The following APOL2 variants were observed in gnomAD, a reference collection of about 807,000 sequenced individuals.
The protein encoded by APOL2 is apolipoprotein L, 2.
APOL2 carries 8 observed loss-of-function variants against 7.1 expected under a neutral mutation model. That is an observed-to-expected ratio of 1.12 (90% CI 0.66 to 2.03). The LOEUF (loss-of-function observed/expected upper bound fraction) is 2.03. Among genes scored for constraint, APOL2 ranks in the 30% most tolerant of loss-of-function variants. APOL2 has a pLI of 0.00. For synonymous variants in APOL2, 177 were observed against 159.9 expected, an observed-to-expected ratio of 1.11 and a Z score of -0.81; for missense variants, 471 against 415.1, an observed-to-expected ratio of 1.13 and a Z score of -1.17.
chr22:36,232,512 G>A (rs895904093), intron 3 of APOL2, among the ~76,000 whole-genome samples: 15 of 152,198 alleles, frequency 9.9e-5, no homozygotes, highest in African/African-American at 3.6e-4. Context: ...GGCCAGGCCA[G>A]GTACCCTTAT....
chr22:36,227,185 A>G lies in APOL2; in HGVS notation c.*219T>C, dbSNP rs1038313858. On this transcript the variant is annotated 3_prime_UTR_variant, in exon 5 of 5. Coordinates refer to ENST00000358502, the MANE Select transcript of APOL2 (RefSeq NM_030882.4). ...AAAAAAATTAGCCGGGCGTGGTGGC[A>G]GGTGCCTGTAGTCCCAGCTACTCGG... The G allele has an allele frequency of 3.0e-5, 14 of 467,868 alleles. No homozygotes were observed. In the South Asian group the frequency reaches 5.2e-4, roughly 17 times the overall value. 29.0% of individuals were successfully genotyped at this position (467,868 alleles called of 1,614,324 possible). A position where few individuals can be genotyped will look rare whatever the true frequency, so the allele number is the denominator to read the frequency against.
In APOL2 at chr22:36,227,341, A is replaced by C; in HGVS notation, c.*63T>G. 2 of 1,176,868 alleles carry C rather than the reference A, an allele frequency of 1.7e-6. No individual in the cohort carries two copies. Among genetic ancestry groups the C allele is most frequent in the Non-Finnish European group, 1.2e-6 (1 of 864,472 alleles). The allele number at this position is 1,176,868 out of a possible 1,614,324, so 72.9% of individuals were successfully genotyped here. ...AAAAAAAAAAAAAAAAAAAAAAAAA[A>C]GTCTGCATTTTGTCCTGGCCTGTGC... On this transcript the variant is annotated 3_prime_UTR_variant, in exon 5 of 5. Transcript: ENST00000358502.
chr22:36,233,123 A>T (rs745654447), intron 3 of APOL2, 30 bp downstream of exon 3: 2 of 1,609,818 alleles, frequency 1.2e-6, no homozygotes, highest in South Asian at 2.2e-5. Flanking sequence ...TGCGAGTAGG[A>T]ACTAGCCAGG....
Position 36,227,301 on chromosome 22 carries a change from G to A in APOL2, c.*103C>T. 1 of 1,382,504 alleles carries A rather than the reference G, an allele frequency of 7.2e-7. No homozygotes were observed. Among genetic ancestry groups the A allele is most frequent in the Non-Finnish European group, 9.5e-7 (1 of 1,048,176 alleles). The allele number at this position is 1,382,504 out of a possible 1,614,324, so 85.6% of individuals were successfully genotyped here. On this transcript the variant is annotated 3_prime_UTR_variant, in exon 5 of 5. Transcript: ENST00000358502. ...ACTGCACTCCATCCTGGGCGATAGA[G>A]CGAGACTCCATCTCAAAAAAAAAAA...
intron 1 of APOL2, chr22:36,239,183 G>C: frequency 7.9e-7 from 1 of 1,264,756 alleles, no homozygotes; most frequent in South Asian, 2.5e-5. Context: ...CAGAACCAGA[G>C]CTGAGCCCGG....
chr22:36,239,013 C>A (rs1408987482), intron 1 of APOL2: 2 of 649,322 alleles, frequency 3.1e-6, no homozygotes, highest in Admixed American at 4.3e-5. Context: ...AGCAGCAGCA[C>A]CCTGGGGCCA....
chr22:36,236,127 A>G (rs796968611), intron 1 of APOL2, among the ~76,000 whole-genome samples: 4 of 152,366 alleles, frequency 2.6e-5, no homozygotes, highest in East Asian at 1.9e-4. Context: ...ATGGTGTACA[A>G]CTCAGCTCCA....
At chr22:36,238,911 C>A (rs2015504889) in intron 1 of APOL2, among the ~76,000 whole-genome samples, 1 of 152,240 alleles carries the variant, frequency 6.6e-6, no homozygotes, top group South Asian at 2.1e-4. Context: ...CCCACAGGGC[C>A]TGGCACAAGT....
chr22:36,236,591 C>T (rs2015411098), intron 1 of APOL2: 2 of 985,316 alleles, frequency 2.0e-6, no homozygotes, highest in Non-Finnish European at 1.2e-6. Context: ...TTGTTCTTTT[C>T]TCACCTTGTG....
In APOL2 at chr22:36,226,308, C is replaced by T. The variant is rs962977805; in HGVS notation, c.*1096G>A. 3 of 152,284 alleles carry T rather than the reference C, an allele frequency of 2.0e-5. No homozygotes were observed. The highest frequency in any genetic ancestry group is 4.4e-5 in the Non-Finnish European group (3 of 68,076). 9.4% of individuals were successfully genotyped at this position (152,284 alleles called of 1,614,324 possible). ...TGTGCTTCCTCCCAATGCTAAACTG[C>T]TTTCATGCTAATCTTCTGACTGTTT... On this transcript the variant is annotated 3_prime_UTR_variant, in exon 5 of 5. Transcript: ENST00000358502.
At chr22:36,232,608 G>T (rs754969372) in intron 3 of APOL2, among the ~76,000 whole-genome samples, 1 of 152,212 alleles carries the variant, frequency 6.6e-6, no homozygotes, top group Admixed American at 6.5e-5. Context: ...TCACACAGAA[G>T]GGACTTGGAA....
At position 36,226,668 on chromosome 22, in the gene APOL2, G is replaced by GGC. The variant is rs2015002146; in HGVS notation, c.*735_*736insGC. The stretch of plus-strand genomic sequence containing the variant: ...CTTGGAAGGACATCAAACCTGGGGG[G>GGC]GGGTCGGTAGTGGAGCTGCTGTTTC... On this transcript the variant is annotated 3_prime_UTR_variant, in exon 5 of 5. Transcript: ENST00000358502. 6.6e-6 allele frequency: 1 copy of GGC among 150,422 alleles called. No homozygotes were observed. Among genetic ancestry groups the GGC allele is most frequent in the African/African-American group, 2.5e-5 (1 of 40,090 alleles). The allele number at this position is 150,422 out of a possible 1,614,324, so 9.3% of individuals were successfully genotyped here.
In APOL2 at chr22:36,239,450, T is replaced by G; in HGVS notation, c.-143A>C. ...ACTATCCCCAACTTACCAAGGGATC[T>G]TCCTCTGACAGAGACTGAGCAAGAT... On this transcript the variant is annotated 5_prime_UTR_variant, in exon 1 of 5. Coordinates refer to ENST00000358502, the MANE Select transcript of APOL2 (RefSeq NM_030882.4). 1 of 1,525,380 alleles carries G rather than the reference T, an allele frequency of 6.6e-7. No individual in the cohort carries two copies. Among genetic ancestry groups the G allele is most frequent in the South Asian group, 1.2e-5 (1 of 85,722 alleles). 94.5% of individuals were successfully genotyped at this position (1,525,380 alleles called of 1,614,324 possible).
intron 1 of APOL2, among the ~76,000 whole-genome samples, chr22:36,238,946 A>T (rs543636831): frequency 1.3e-5 from 2 of 152,216 alleles, no homozygotes; most frequent in Admixed American, 6.5e-5. Context: ...AGGGTGAGTG[A>T]GACAACCTCT....
rs568635751 is a variant in APOL2 at position 36,239,349 on chromosome 22, T to C, written c.-134+92A>G. On this transcript the variant is annotated intron_variant, in intron 1 of 4. Transcript: ENST00000358502. ...ATCTGAACCAGCTACCTAACCTCTC[T>C]GAGCTTATCTACAAAAGCTGAATGA... The C allele has an allele frequency of 1.1e-4, 157 of 1,405,352 alleles. 1 individual carries two copies. The highest frequency in any genetic ancestry group is 2.6e-4 in the South Asian group (19 of 71,940). 87.1% of individuals were successfully genotyped at this position (1,405,352 alleles called of 1,614,324 possible).
Position 36,239,474 on chromosome 22 carries a change from A to G in APOL2, c.-167T>C. 6.3e-7 allele frequency: 1 copy of G among 1,579,688 alleles called. No homozygotes were observed. Among genetic ancestry groups the G allele is most frequent in the Non-Finnish European group, 8.6e-7 (1 of 1,169,578 alleles). On this transcript the variant is annotated 5_prime_UTR_variant, in exon 1 of 5. Transcript: ENST00000358502. ...CTTCCTCTGACAGAGACTGAGCAAG[A>G]TCCAACTGTTCTGAGCTGTGTGGAT...
intron 4 of APOL2, among the ~76,000 whole-genome samples, chr22:36,228,826 G>A (rs1235122977): frequency 6.6e-6 from 1 of 152,170 alleles, no homozygotes; most frequent in African/African-American, 2.4e-5. Flanking sequence ...GATAGGGTTT[G>A]GGGCTATTTG....
rs985893725 is a variant in APOL2, at chr22:36,239,121, AC to A, written c.-134+319del. The A allele has an allele frequency of 4.2e-6, 5 of 1,177,622 alleles. No individual in the cohort carries two copies. The Admixed American group carries it at 2.1e-4, about 49-fold the overall frequency. 72.9% of individuals were successfully genotyped at this position (1,177,622 alleles called of 1,614,324 possible). On this transcript the variant is annotated intron_variant, in intron 1 of 4. Coordinates refer to ENST00000358502, the MANE Select transcript of APOL2 (RefSeq NM_030882.4). ...CTTCAAATTTCCCAAAGAGATGGGC[AC>A]CCCCAACACCTACCTTTCTTCTGGG...
chr22:36,239,836 C>G (rs2015541395), upstream of APOL2: 2 of 330,544 alleles, frequency 6.1e-6, no homozygotes, highest in Non-Finnish European at 5.7e-6. Context: ...CCATCTGAGC[C>G]GCTTGCCCCC....
Sources: gnomAD v4.1 joint callset for allele counts (sites outside exome capture counted in the v4.1 genomes callset) on GRCh38, gnomAD v4.1.1 for gene constraint, MANE v1.5 for transcripts, NCBI Gene and HGNC (gene_info 2026-07-23, HGNC 2026-07-21) for gene names.